Variants in FBXL17 observed in about 807,000 individuals in gnomAD.
FBXL17 encodes F-box and leucine rich repeat protein 17.
FBXL17 carries 22 observed loss-of-function variants against 66.2 expected under a neutral mutation model. The observed-to-expected ratio is 0.33, with a 90% CI of 0.24 to 0.47. The LOEUF is 0.47. Ranked by LOEUF, FBXL17 falls within the 20% of genes least tolerant of loss-of-function variation. FBXL17 has a pLI of 1.00. For missense variants in FBXL17, 878 were observed against 948.2 expected (o/e 0.93, Z 0.97); for synonymous variants, 474 against 400.5 (o/e 1.18, Z -2.19).
chr5:108,313,446 G>A (rs77348058), intron 4 of FBXL17, among the ~76,000 whole-genome samples: 1,706 of 152,190 alleles, frequency 0.011, 31 homozygotes, highest in African/African-American at 0.039. Context: ...CCACCACTGT[G>A]TTGGTGAGGG....
At chr5:108,103,912 C>A (rs2149943751) in intron 6 of FBXL17, among the ~76,000 whole-genome samples, 1 of 152,272 alleles carries the variant, frequency 6.6e-6, no homozygotes, top group Middle Eastern at 3.4e-3. Context: ...CCTTTTTATT[C>A]CCCTCTACCC....
chr5:108,270,982 C>CGGAA (rs1424787139), intron 4 of FBXL17, among the ~76,000 whole-genome samples: 4 of 152,002 alleles, frequency 2.6e-5, no homozygotes, highest in Non-Finnish European at 5.9e-5. Context: ...CTCCACATTC[C>CGGAA]CTACCTCCCT....
At chr5:108,227,857 C>G (rs1235854283) in intron 4 of FBXL17, among the ~76,000 whole-genome samples, 1 of 152,140 alleles carries the variant, frequency 6.6e-6, no homozygotes, top group East Asian at 1.9e-4. Flanking sequence ...ACTAAAATTG[C>G]TGGAAGCTTC....
chr5:107,893,918 G>A (rs1749287285), intron 7 of FBXL17, among the ~76,000 whole-genome samples: 1 of 152,306 alleles, frequency 6.6e-6, no homozygotes, highest in Non-Finnish European at 1.5e-5. Flanking sequence ...CCATTTGTAT[G>A]TACTGGCTGT....
In FBXL17 at chr5:107,861,677, T is replaced by C; in HGVS notation, c.*43A>G. ...GCTCCCCAAATGTACAATTCTCCTCTGCTCTGCTGAATGATCCCAGTGGAC... is the reference window on the plus strand; with the variant it reads ...GCTCCCCAAATGTACAATTCTCCTCCGCTCTGCTGAATGATCCCAGTGGAC... On this transcript the variant is annotated 3_prime_UTR_variant, in exon 9 of 9. Transcript: ENST00000542267. 1.3e-6 allele frequency: 2 copies of C among 1,497,202 alleles called. No individual in the cohort carries two copies. The highest frequency in any genetic ancestry group is 1.8e-6 in the Non-Finnish European group (2 of 1,115,524). 92.7% of individuals were successfully genotyped at this position (1,497,202 alleles called of 1,614,324 possible). A position where few individuals can be genotyped will look rare whatever the true frequency, so the allele number is the denominator to read the frequency against.
intron 4 of FBXL17, among the ~76,000 whole-genome samples, chr5:108,326,326 C>T (rs1481623604): frequency 6.6e-6 from 1 of 152,042 alleles, no homozygotes; most frequent in Non-Finnish European, 1.5e-5. Context: ...GGCGCAGTGG[C>T]TCACATCTGT....
At chr5:108,115,553 G>A (rs907478834) in intron 6 of FBXL17, among the ~76,000 whole-genome samples, 7 of 151,324 alleles carry the variant, frequency 4.6e-5, no homozygotes, top group Admixed American at 2.6e-4. Flanking sequence ...AGAAGTGGTC[G>A]TCAACACTCA....
chr5:108,208,932 C>A (rs1310866226), intron 5 of FBXL17, among the ~76,000 whole-genome samples: 2 of 152,144 alleles, frequency 1.3e-5, no homozygotes, highest in Admixed American at 6.5e-5. Context: ...ATTGATTCTT[C>A]CTATCCATGA....
chr5:108,204,014 TCTAG>T (rs1754006966), intron 5 of FBXL17, among the ~76,000 whole-genome samples: 1 of 152,122 alleles, frequency 6.6e-6, no homozygotes, highest in Admixed American at 6.6e-5. Flanking sequence ...AAAAGTTTTA[TCTAG>T]CTGTCTGTTA....
At chr5:108,378,873 C>T (rs966909739) in intron 1 of FBXL17, among the ~76,000 whole-genome samples, 2 of 152,208 alleles carry the variant, frequency 1.3e-5, no homozygotes, top group African/African-American at 2.4e-5. Context: ...TGAACAATCG[C>T]TAATTCAATT....
chr5:107,898,813 G>A (rs1749471534), intron 7 of FBXL17, among the ~76,000 whole-genome samples: 2 of 152,100 alleles, frequency 1.3e-5, no homozygotes, highest in African/African-American at 4.8e-5. Context: ...CCTTTTTTAT[G>A]GCTGCATAGT....
At chr5:108,152,397 A>G (rs1156632232) in intron 6 of FBXL17, among the ~76,000 whole-genome samples, 1 of 152,162 alleles carries the variant, frequency 6.6e-6, no homozygotes, top group African/African-American at 2.4e-5. Context: ...CTTTCTATAT[A>G]GTCAATTTTT....
Position 108,044,322 on chromosome 5 carries a change from T to G in FBXL17, c.1746-23321A>C, listed in dbSNP as rs532404023. On this transcript the variant is annotated intron_variant, in intron 6 of 8. Transcript: ENST00000542267. The stretch of plus-strand genomic sequence containing the variant: ...TATAATGTCAGTGGCAGTATTTTTT[T>G]GTAGATACTCTTCATCAAGTTGAGA... Among the ~76,000 whole-genome samples the G allele has an allele frequency of 2.0e-5, 3 of 152,314 alleles. No homozygotes were observed. The South Asian group carries it at 6.2e-4, about 32-fold the overall frequency.
At chr5:107,966,541 A>G (rs938079225) in intron 7 of FBXL17, among the ~76,000 whole-genome samples, 3 of 152,066 alleles carry the variant, frequency 2.0e-5, no homozygotes, top group African/African-American at 7.2e-5. Flanking sequence ...CACCTTCACT[A>G]CCTGGCTCCC....
intron 4 of FBXL17, among the ~76,000 whole-genome samples, chr5:108,241,497 C>T (rs954893702): frequency 6.6e-6 from 1 of 151,772 alleles, no homozygotes; most frequent in Non-Finnish European, 1.5e-5. Flanking sequence ...CCTACAAGAT[C>T]TAGAAAATAG....
At chr5:108,356,460 T>C (rs531269688) in intron 3 of FBXL17, among the ~76,000 whole-genome samples, 1 of 152,264 alleles carries the variant, frequency 6.6e-6, no homozygotes, top group South Asian at 2.1e-4. Context: ...ATGGATAAAC[T>C]GTGGTACATA....
chr5:107,880,998 G>C, intron 8 of FBXL17, 39 bp downstream of exon 8: 1 of 1,613,928 alleles, frequency 6.2e-7, no homozygotes, highest in Non-Finnish European at 8.5e-7. Flanking sequence ...TAACTATACT[G>C]ATATGTAGAA....
intron 6 of FBXL17, among the ~76,000 whole-genome samples, chr5:108,026,915 G>A (rs939613098): frequency 1.4e-4 from 22 of 152,208 alleles, no homozygotes; most frequent in Non-Finnish European, 2.8e-4. Flanking sequence ...TAAGTACTAC[G>A]GGTTTGCATC....
chr5:108,024,075 C>A (rs569076127), intron 6 of FBXL17, among the ~76,000 whole-genome samples: 114 of 152,238 alleles, frequency 7.5e-4, no homozygotes, highest in African/African-American at 2.6e-3. Flanking sequence ...CCCCTTGTCC[C>A]CATCACTCCT....
Sources: allele counts gnomAD v4.1 joint callset (sites outside exome capture counted in the v4.1 genomes callset), GRCh38; gene constraint gnomAD v4.1.1; transcripts MANE v1.5; gene names NCBI Gene and HGNC (gene_info 2026-07-23, HGNC 2026-07-21).